The following UGT2B11 variants were observed in gnomAD, a reference collection of about 807,000 sequenced individuals.
UGT2B11 encodes the protein UDP-glucuronosyltransferase 2B11.
A neutral mutation model predicts 51.7 loss-of-function variants in UGT2B11; 49 were observed. That is an observed-to-expected ratio of 0.95 (90% CI 0.75 to 1.20). The LOEUF is 1.20. Ranked by LOEUF, UGT2B11 falls within the 50% of genes most tolerant of loss-of-function variation. The probability of loss-of-function intolerance (pLI) is 0.00; values close to 1 mark genes in which losing one functional copy is unlikely to be tolerated. For synonymous variants in UGT2B11, 273 were observed against 209.0 expected (o/e 1.31, Z -2.64); for missense variants, 810 against 622.1 (o/e 1.30, Z -3.21).
At chr4:69,205,796 A>G (rs1721833439) in intron 3 of UGT2B11, 1 of 444,616 alleles carries the variant, frequency 2.2e-6, no homozygotes, top group Non-Finnish European at 3.7e-6. Context: ...TAAGACTATC[A>G]ATGAAAAGTT....
At chr4:69,224,879 G>C in the UGT2B11 span, among the ~76,000 whole-genome samples, 1 of 152,104 alleles carries the variant, frequency 6.6e-6, no homozygotes, top group Non-Finnish European at 1.5e-5. Context: ...CTTTAAGGCG[G>C]GAAATACATG....
In UGT2B11 at chr4:69,208,222, A is replaced by G. The variant is rs994477986; in HGVS notation, c.1002+129T>C. 57 of 1,525,870 alleles carry G rather than the reference A, an allele frequency of 3.7e-5. No individual in the cohort carries two copies. The South Asian group carries it at 5.3e-4, about 14-fold the overall frequency. 94.5% of individuals were successfully genotyped at this position (1,525,870 alleles called of 1,614,324 possible). ...TATTACTTGTGTTGGTGGAAGCAAC[A>G]TAAGCATATTTAAGGATGTATTTGG... On this transcript the variant is annotated intron_variant, in intron 3 of 5. Transcript: ENST00000446444.
At chr4:69,216,202 C>T (rs1330825337), upstream of UGT2B11, 2 of 152,038 alleles carry the variant, frequency 1.3e-5, no homozygotes, top group Non-Finnish European at 2.9e-5. Context: ...GCAAGAATGA[C>T]ATAAATTCTG....
At chr4:69,207,102 G>T (rs1721887944) in intron 3 of UGT2B11, among the ~76,000 whole-genome samples, 1 of 150,928 alleles carries the variant, frequency 6.6e-6, no homozygotes, top group Admixed American at 6.6e-5. Flanking sequence ...GGAACCTTTT[G>T]GTATCATGAA....
At chr4:69,209,923 G>T (rs1274881087) in intron 2 of UGT2B11, among the ~76,000 whole-genome samples, 1 of 151,458 alleles carries the variant, frequency 6.6e-6, no homozygotes, top group South Asian at 2.1e-4. Flanking sequence ...TTGTATAAAA[G>T]TATGAAAAGT....
At position 69,204,611 on chromosome 4, in the gene UGT2B11, C is replaced by T. The variant is rs1264030104; in HGVS notation, c.1129G>A (p.Ala377Thr). The change falls in exon 5 of 6, where the codon GCC becomes ACC. Residue 377 changes from alanine (A) to threonine (T), a missense_variant. By Grantham distance (58) the Ala-to-Thr change is moderately conservative (BLOSUM62 0). Transcript: ENST00000446444. The part of the protein sequence containing the change: ...KTRAFITHGG[A>T]NGIYEAIYHG... ...TAGATTGCCTCATAGATGCCATTGG[C>T]TCCACCATGAGTTATAAAAGCTCTG... 1.2e-6 allele frequency: 2 copies of T among 1,611,900 alleles called. No individual in the cohort carries two copies. The highest frequency in any genetic ancestry group is 2.2e-5 in the South Asian group (2 of 91,034).
Position 69,208,383 on chromosome 4 carries a change from T to C in UGT2B11, c.970A>G (p.Ile324Val), listed in dbSNP as rs755031225. ...SNMTAERANV[I>V]ATALAKIPQK... ...GGGATCTTGGCAAGGGCTGTTGCAA[T>C]TACATTGGCCCTTTCTGCTGTCATG... The change falls in exon 3 of 6, where the codon ATT becomes GTT. Residue 324 changes from isoleucine (I) to valine (V), a missense_variant. Coordinates refer to ENST00000446444, the MANE Select transcript of UGT2B11 (RefSeq NM_001073.3). 2.0e-5 allele frequency: 32 copies of C among 1,611,186 alleles called. No homozygotes were observed. In the East Asian group the frequency reaches 6.5e-4, roughly 33 times the overall value.
intron 3 of UGT2B11, among the ~76,000 whole-genome samples, chr4:69,207,503 T>G (rs1577962563): frequency 1.3e-5 from 2 of 151,590 alleles, no homozygotes; most frequent in Admixed American, 6.6e-5. Flanking sequence ...CTGAACCTGT[T>G]CCCCTGCCTC....
chr4:69,200,305 T>C lies in UGT2B11; in HGVS notation c.*135A>G, dbSNP rs1721598679. 8 of 1,234,952 alleles carry C rather than the reference T, an allele frequency of 6.5e-6. No homozygotes were observed. Among genetic ancestry groups the C allele is most frequent in the Non-Finnish European group, 6.2e-6 (6 of 961,290 alleles). The allele number at this position is 1,234,952 out of a possible 1,614,324, so 76.5% of individuals were successfully genotyped here. A position where few individuals can be genotyped will look rare whatever the true frequency, so the allele number is the denominator to read the frequency against. On this transcript the variant is annotated 3_prime_UTR_variant, in exon 6 of 6. Coordinates refer to ENST00000446444, the MANE Select transcript of UGT2B11 (RefSeq NM_001073.3). Reference sequence around the variant, plus strand: ...ACAAATTTTTACTTGACAAGGTAGATTTGAAAATTTTTTTTTTTTTTTTTT... The same window carrying C: ...ACAAATTTTTACTTGACAAGGTAGACTTGAAAATTTTTTTTTTTTTTTTTT...
intron 3 of UGT2B11, among the ~76,000 whole-genome samples, chr4:69,206,045 C>T (rs112699108): frequency 0.01 from 1,523 of 151,632 alleles, 30 homozygotes; most frequent in African/African-American, 0.035. Context: ...GTTAGTTCAA[C>T]CATTGTGGAA....
chr4:69,218,863 T>G (rs1267286868), upstream of UGT2B11, among the ~76,000 whole-genome samples: 1 of 152,170 alleles, frequency 6.6e-6, no homozygotes, highest in Non-Finnish European at 1.5e-5. Flanking sequence ...TGTCTGCAGC[T>G]CCATCTCTGT....
the UGT2B11 span, among the ~76,000 whole-genome samples, chr4:69,220,916 G>A: frequency 6.6e-6 from 1 of 152,074 alleles, no homozygotes. Flanking sequence ...CTAGAGAGTC[G>A]GTAGCTAATT....
At chr4:69,220,562 C>T in the UGT2B11 span, among the ~76,000 whole-genome samples, 1,495 of 21,136 alleles carry the variant, frequency 0.071, 43 homozygotes, top group East Asian at 0.2. Flanking sequence ...TTGATGGCCT[C>T]GATCCTGAAG....
chr4:69,214,749 C>T, upstream of UGT2B11: 2 of 1,601,896 alleles, frequency 1.2e-6, no homozygotes, highest in Non-Finnish European at 1.7e-6. Context: ...CATTCTTTTC[C>T]AGTCACTGTT....
In UGT2B11 at chr4:69,214,253, C is replaced by A. The variant is rs755055210; in HGVS notation, c.470G>T (p.Gly157Val). 5.0e-6 allele frequency: 8 copies of A among 1,613,164 alleles called. No individual in the cohort carries two copies. The African/African-American group carries it at 1.1e-4, about 22-fold the overall frequency. ...IVFADAVFPC[G>V]ELLAALLNIR... The stretch of plus-strand genomic sequence containing the variant: ...GTTAAGTAGCGCAGCCAGCAGCTCA[C>A]CACAGGGAAAAACAGCATCTGCAAA... Residue 157 changes from glycine (G) to valine (V), a missense_variant, in exon 1 of 6, where the codon GGT (glycine) becomes GTT (valine). By Grantham distance (109) the Gly-to-Val change is moderately radical. Coordinates refer to ENST00000446444, the MANE Select transcript of UGT2B11 (RefSeq NM_001073.3).
rs979036500 is a variant in UGT2B11, at chr4:69,200,257, C to A, written c.*183G>T. 1.0e-4 allele frequency: 88 copies of A among 839,334 alleles called. No individual in the cohort carries two copies. The African/African-American group carries it at 1.4e-3, about 13-fold the overall frequency. 52.0% of individuals were successfully genotyped at this position (839,334 alleles called of 1,614,324 possible). Reference sequence around the variant, plus strand: ...TGCCACAAAATATTTCTAACCATTACCTGGGTGGTAAATCTCTGAAAAACA... The same window carrying A: ...TGCCACAAAATATTTCTAACCATTAACTGGGTGGTAAATCTCTGAAAAACA... On this transcript the variant is annotated 3_prime_UTR_variant, in exon 6 of 6. Coordinates refer to ENST00000446444, the MANE Select transcript of UGT2B11 (RefSeq NM_001073.3).
chr4:69,224,905 C>T, the UGT2B11 span, among the ~76,000 whole-genome samples: 1 of 152,050 alleles, frequency 6.6e-6, no homozygotes, highest in Non-Finnish European at 1.5e-5. Flanking sequence ...GAAGATGTTA[C>T]CAGAGCCAGA....
At chr4:69,209,034 A>G (rs549047351) in intron 2 of UGT2B11, among the ~76,000 whole-genome samples, 1 of 151,754 alleles carries the variant, frequency 6.6e-6, no homozygotes, top group South Asian at 2.1e-4. Context: ...TTTATGCTTC[A>G]CTTAAAGTTT....
the UGT2B11 span, among the ~76,000 whole-genome samples, chr4:69,223,030 C>T: frequency 0.59 from 89,114 of 151,848 alleles, 26,421 homozygotes; most frequent in Non-Finnish European, 0.61. Context: ...CAGGTCAGTA[C>T]TGTCACGAAG....
Sources: gnomAD v4.1 joint callset for allele counts (sites outside exome capture counted in the v4.1 genomes callset) on GRCh38, gnomAD v4.1.1 for gene constraint, MANE v1.5 for transcripts, NCBI Gene and HGNC (gene_info 2026-07-23, HGNC 2026-07-21) for gene names.